The following TRAPPC9 variants were observed in gnomAD, a reference collection of about 807,000 sequenced individuals.
The protein encoded by TRAPPC9 is IKK2 binding protein.
Under a neutral mutation model 124.0 loss-of-function variants are expected in TRAPPC9, and 83 were observed. The observed-to-expected ratio is 0.67, with a 90% CI of 0.56 to 0.80. The LOEUF is 0.80. Among genes scored for constraint, TRAPPC9 ranks in the 30% least tolerant of loss-of-function variants. The pLI is 0.00. For missense variants in TRAPPC9, 1,302 were observed against 1,508.3 expected, an observed-to-expected ratio of 0.86 and a Z score of 2.27; for synonymous variants, 638 against 617.5, an observed-to-expected ratio of 1.03 and a Z score of -0.49.
At chr8:140,443,759 G>A (rs974156096) in intron 2 of TRAPPC9, among the ~76,000 whole-genome samples, 16 of 152,080 alleles carry the variant, frequency 1.1e-4, no homozygotes, top group Non-Finnish European at 1.9e-4. Flanking sequence ...AAATTAGGCC[G>A]GGCATGGTGG....
At chr8:140,367,559 A>G (rs1462269155) in intron 8 of TRAPPC9, among the ~76,000 whole-genome samples, 1 of 152,222 alleles carries the variant, frequency 6.6e-6, no homozygotes, top group Non-Finnish European at 1.5e-5. Flanking sequence ...AGTGGTTGCC[A>G]GAAGGTAATA....
At chr8:139,914,680 C>A (rs535936341) in intron 19 of TRAPPC9, 3 of 152,382 alleles carry the variant, frequency 2.0e-5, no homozygotes, top group African/African-American at 7.2e-5. Context: ...CCACAGGCCA[C>A]GATCAGCTGA....
At chr8:139,815,194 C>G (rs755739354) in intron 21 of TRAPPC9, among the ~76,000 whole-genome samples, 7 of 152,160 alleles carry the variant, frequency 4.6e-5, no homozygotes, top group Non-Finnish European at 8.8e-5. Context: ...AAATGCAAGA[C>G]AGCCTTCAGT....
At chr8:140,074,592 C>G (rs1446241245) in intron 17 of TRAPPC9, among the ~76,000 whole-genome samples, 5 of 152,200 alleles carry the variant, frequency 3.3e-5, no homozygotes, top group Non-Finnish European at 7.3e-5. Flanking sequence ...TTACTGGGCT[C>G]TCGTTGTCAG....
chr8:140,008,712 G>A (rs1360260740), intron 18 of TRAPPC9: 1 of 152,216 alleles, frequency 6.6e-6, no homozygotes, highest in Non-Finnish European at 1.5e-5. Flanking sequence ...CCCAGACCTC[G>A]TCTACATCCG....
chr8:140,062,426 C>T (rs1457018513), intron 17 of TRAPPC9, among the ~76,000 whole-genome samples: 2 of 152,194 alleles, frequency 1.3e-5, no homozygotes, highest in South Asian at 2.1e-4. Context: ...CTATTTCTCT[C>T]GCCCATTCCT....
At chr8:139,952,110 A>T (rs1417625542) in intron 19 of TRAPPC9, among the ~76,000 whole-genome samples, 1 of 152,204 alleles carries the variant, frequency 6.6e-6, no homozygotes, top group Non-Finnish European at 1.5e-5. Flanking sequence ...CCCACAACTT[A>T]AGCTGTTACT....
chr8:140,384,348 T>A (rs1417937926), intron 7 of TRAPPC9, among the ~76,000 whole-genome samples: 1 of 152,134 alleles, frequency 6.6e-6, no homozygotes, highest in African/African-American at 2.4e-5. Flanking sequence ...ATGCTCCAAT[T>A]AAAAGACACA....
At chr8:139,902,084 C>T (rs920155181) in intron 20 of TRAPPC9, among the ~76,000 whole-genome samples, 2 of 152,140 alleles carry the variant, frequency 1.3e-5, no homozygotes, top group Non-Finnish European at 2.9e-5. Context: ...CCAACATGTA[C>T]CTGATCACAC....
At chr8:139,958,502 C>T (rs779674381) in intron 19 of TRAPPC9, among the ~76,000 whole-genome samples, 4 of 152,192 alleles carry the variant, frequency 2.6e-5, no homozygotes, top group Non-Finnish European at 5.9e-5. Flanking sequence ...TGCAGGCTTA[C>T]AGGAAGGCTG....
At chr8:139,866,135 C>T (rs957514693) in intron 21 of TRAPPC9, among the ~76,000 whole-genome samples, 2 of 152,168 alleles carry the variant, frequency 1.3e-5, no homozygotes, top group Non-Finnish European at 2.9e-5. Flanking sequence ...TTGTGGAGAC[C>T]AAAGTCTTAT....
At chr8:140,014,629 C>T (rs1365399437) in intron 18 of TRAPPC9, among the ~76,000 whole-genome samples, 6 of 152,132 alleles carry the variant, frequency 3.9e-5, no homozygotes, top group Admixed American at 2.6e-4. Flanking sequence ...TCCAAAGATA[C>T]GGCTCCTACA....
At chr8:139,875,111 G>T (rs1829237667) in intron 21 of TRAPPC9, among the ~76,000 whole-genome samples, 1 of 152,210 alleles carries the variant, frequency 6.6e-6, no homozygotes, top group Non-Finnish European at 1.5e-5. Context: ...AAACAGAGAT[G>T]TCTGCAGCTA....
chr8:139,778,004 G>GA (rs1821512232), intron 21 of TRAPPC9, among the ~76,000 whole-genome samples: 2 of 151,334 alleles, frequency 1.3e-5, no homozygotes, highest in African/African-American at 4.9e-5. Flanking sequence ...GGGAGAGAGA[G>GA]AGAAAAAAAA....
At chr8:140,435,337 A>C in intron 3 of TRAPPC9, 97 bp from the exon 4 acceptor site, 1 of 1,454,516 alleles carries the variant, frequency 6.9e-7, no homozygotes, top group Non-Finnish European at 9.5e-7. Context: ...CTCAAACTGC[A>C]GTAACTAACA....
rs11987220 is a variant in TRAPPC9, at chr8:140,045,447, G to A, written c.2557-21368C>T. On this transcript the variant is annotated intron_variant, in intron 17 of 22. Transcript: ENST00000438773. ...TAGAGACCATCCTGGCCAACATGGTGTAAACCCCAACTCTATTAAAAACAC... is the reference window on the plus strand; with the variant it reads ...TAGAGACCATCCTGGCCAACATGGTATAAACCCCAACTCTATTAAAAACAC... Among the ~76,000 whole-genome samples, 1,213 of 152,020 alleles carry A rather than the reference G, an allele frequency of 8.0e-3. 14 individuals carry two copies. The highest frequency in any genetic ancestry group is 0.028 in the African/African-American group (1,143 of 41,474).
At chr8:139,956,969 G>A (rs532577450) in intron 19 of TRAPPC9, among the ~76,000 whole-genome samples, 2 of 152,394 alleles carry the variant, frequency 1.3e-5, no homozygotes, top group South Asian at 2.1e-4. Flanking sequence ...AAGGCCCTGA[G>A]GTGCTTGCTG....
chr8:140,016,896 T>G (rs2131879987), intron 18 of TRAPPC9, among the ~76,000 whole-genome samples: 1 of 152,340 alleles, frequency 6.6e-6, no homozygotes, highest in East Asian at 1.9e-4. Context: ...TGCACCAGTT[T>G]ATACTCCCAG....
At chr8:139,851,817 A>T (rs1377069803) in intron 21 of TRAPPC9, among the ~76,000 whole-genome samples, 5 of 152,218 alleles carry the variant, frequency 3.3e-5, no homozygotes, top group Non-Finnish European at 7.3e-5. Flanking sequence ...CTCCAAAGTC[A>T]TTCAGTCACG....
Sources: gnomAD v4.1 joint callset for allele counts (sites outside exome capture counted in the v4.1 genomes callset) on GRCh38, gnomAD v4.1.1 for gene constraint, MANE v1.5 for transcripts, NCBI Gene and HGNC (gene_info 2026-07-23, HGNC 2026-07-21) for gene names.